BCLAF3: variants seen among roughly 807,000 people sequenced by gnomAD.
BCLAF3 encodes the protein transient octamer binding factor 1.
In BCLAF3, 24 loss-of-function variants were observed where a neutral mutation model predicts 51.2. The observed-to-expected ratio is 0.47, with a 90% CI of 0.34 to 0.66. The LOEUF is 0.66. BCLAF3 is among the 30% of genes least tolerant of loss of function. The probability of loss-of-function intolerance (pLI) is 0.01; values close to 1 mark genes in which losing one functional copy is unlikely to be tolerated. For synonymous variants in BCLAF3, 152 were observed against 176.6 expected (o/e 0.86, Z 1.10); for missense variants, 465 against 525.1 (o/e 0.89, Z 1.12).
chrX:19,977,382 G>T (rs6527957), intron 1 of BCLAF3, among the ~76,000 whole-genome samples: 35,307 of 111,358 alleles, frequency 0.32, 6,611 homozygotes, highest in African/African-American at 0.71. Context: ...TTACTTCAAT[G>T]AACACATGAA....
chrX:19,917,781 C>T (rs1290763009), intron 11 of BCLAF3, among the ~76,000 whole-genome samples: 1 of 85,430 alleles, frequency 1.2e-5, no homozygotes, highest in African/African-American at 8.8e-5. Flanking sequence ...CTGATAACTG[C>T]AGAGAAAGTT....
Position 19,990,908 on chromosome X carries a change from C to T in BCLAF3, c.-35G>A, listed in dbSNP as rs1253654016. Among the ~76,000 whole-genome samples, 3 of 99,915 alleles carry T rather than the reference C, an allele frequency of 3.0e-5. No individual in the cohort carries two copies. Among genetic ancestry groups the T allele is most frequent in the African/African-American group, 1.1e-4 (3 of 28,130 alleles). The allele number at this position is 99,915 out of a possible 115,157, so 86.8% of individuals were successfully genotyped here. A position where few individuals can be genotyped will look rare whatever the true frequency, so the allele number is the denominator to read the frequency against. On this transcript the variant is annotated splice_region_variant and 5_prime_UTR_variant, in exon 1 of 12. It adds an upstream start codon to the 5' untranslated region. Transcript: ENST00000379682. ...CCCCGCCTCCCCCCGAGCCGCTCACCCGGCCGGGAAGCCCCCGCCGCCGCC... is the reference window on the plus strand; with the variant it reads ...CCCCGCCTCCCCCCGAGCCGCTCACTCGGCCGGGAAGCCCCCGCCGCCGCC...
At chrX:19,974,162 C>A (rs2072342716) in intron 1 of BCLAF3, among the ~76,000 whole-genome samples, 1 of 112,083 alleles carries the variant, frequency 8.9e-6, no homozygotes, top group Admixed American at 9.5e-5. Flanking sequence ...ATTTTCTATA[C>A]CCGTTTCATT....
intron 1 of BCLAF3, among the ~76,000 whole-genome samples, chrX:19,973,156 T>C (rs777017119): frequency 1.8e-5 from 2 of 111,878 alleles, no homozygotes; most frequent in Non-Finnish European, 3.8e-5. Flanking sequence ...TTTTTGACTA[T>C]AGCCATCCTA....
intron 4 of BCLAF3, among the ~76,000 whole-genome samples, chrX:19,964,293 G>T (rs1239743236): frequency 8.9e-6 from 1 of 111,760 alleles, no homozygotes; most frequent in East Asian, 2.8e-4. Flanking sequence ...TCCATAAATG[G>T]AAGTAATATT....
At chrX:19,918,576 C>T (rs998472371) in intron 11 of BCLAF3, among the ~76,000 whole-genome samples, 18 of 86,206 alleles carry the variant, frequency 2.1e-4, no homozygotes, top group Admixed American at 1.3e-3. Context: ...ATGGAGTCTC[C>T]GTTGCCCAGG....
chrX:19,981,482 G>A (rs192084112), intron 1 of BCLAF3, among the ~76,000 whole-genome samples: 1 of 111,977 alleles, frequency 8.9e-6, no homozygotes, highest in Admixed American at 9.5e-5. Flanking sequence ...CACATTCCTG[G>A]TAGAAATGTA....
chrX:19,985,356 A>G (rs760259821), intron 1 of BCLAF3, among the ~76,000 whole-genome samples: 1 of 111,936 alleles, frequency 8.9e-6, no homozygotes, highest in Admixed American at 9.5e-5. Flanking sequence ...AGGTGGGAGT[A>G]CCACTTGATG....
At chrX:19,989,675 T>C (rs2072891545) in intron 1 of BCLAF3, among the ~76,000 whole-genome samples, 1 of 111,784 alleles carries the variant, frequency 8.9e-6, no homozygotes, top group Non-Finnish European at 1.9e-5. Flanking sequence ...AAGCTCTGCA[T>C]AGAAAAAGAC....
At chrX:19,917,550 CAT>C (rs748923375) in intron 11 of BCLAF3, among the ~76,000 whole-genome samples, 14 of 111,454 alleles carry the variant, frequency 1.3e-4, no homozygotes, top group East Asian at 2.8e-4. Context: ...ACAAAGAAAA[CAT>C]GTGGTGCTAG....
intron 10 of BCLAF3, 23 bp downstream of exon 10, chrX:19,935,786 A>AAATGGAAAAC (rs760230817): frequency 1.7e-6 from 2 of 1,146,293 alleles, no homozygotes; most frequent in African/African-American, 3.6e-5. Flanking sequence ...AGCTGGAATT[A>AAATGGAAAAC]AATGGAAAAC....
chrX:19,921,438 A>G (rs772140355), intron 11 of BCLAF3, among the ~76,000 whole-genome samples: 3 of 112,575 alleles, frequency 2.7e-5, no homozygotes, highest in South Asian at 7.3e-4. Context: ...ACTTTACACT[A>G]TATCATAAAA....
intron 11 of BCLAF3, among the ~76,000 whole-genome samples, chrX:19,920,567 C>A (rs1420411738): frequency 2.7e-5 from 3 of 111,603 alleles, no homozygotes; most frequent in Middle Eastern, 4.7e-3. Context: ...CACCTGTAGT[C>A]CCAGCACTTT....
chrX:19,976,189 T>A (rs1303271325), intron 1 of BCLAF3, among the ~76,000 whole-genome samples: 3 of 111,599 alleles, frequency 2.7e-5, no homozygotes, highest in Non-Finnish European at 5.6e-5. Context: ...GTCTGTCCCA[T>A]CTCAGTAAAT....
intron 8 of BCLAF3, among the ~76,000 whole-genome samples, chrX:19,940,096 T>C (rs183164715): frequency 8.8e-4 from 98 of 111,706 alleles, no homozygotes; most frequent in African/African-American, 2.9e-3. Context: ...GATATGTATA[T>C]TTTGCCACAA....
At chrX:19,947,714 A>G (rs2071357240) in intron 8 of BCLAF3, among the ~76,000 whole-genome samples, 1 of 111,578 alleles carries the variant, frequency 9.0e-6, no homozygotes, top group Non-Finnish European at 1.9e-5. Context: ...TGTCTTGTCT[A>G]CTCCTTTGGG....
intron 11 of BCLAF3, among the ~76,000 whole-genome samples, chrX:19,917,754 T>A (rs1444140078): frequency 9.4e-6 from 1 of 106,827 alleles, no homozygotes; most frequent in African/African-American, 3.6e-5. Flanking sequence ...TAAAACTACA[T>A]GGGCTCTTTT....
intron 11 of BCLAF3, among the ~76,000 whole-genome samples, chrX:19,917,725 C>T (rs757275777): frequency 3.4e-4 from 38 of 111,699 alleles, no homozygotes; most frequent in Admixed American, 7.7e-4. Flanking sequence ...TTATCTTTTC[C>T]ACCCTATATC....
chrX:19,973,345 A>T (rs1043303432), intron 1 of BCLAF3, among the ~76,000 whole-genome samples: 2 of 112,325 alleles, frequency 1.8e-5, no homozygotes, highest in African/African-American at 6.5e-5. Context: ...AAAAGAAAAA[A>T]ATCAGCTGTG....
Sources: gnomAD v4.1 joint callset for allele counts (sites outside exome capture counted in the v4.1 genomes callset) on GRCh38, gnomAD v4.1.1 for gene constraint, MANE v1.5 for transcripts, NCBI Gene and HGNC (gene_info 2026-07-23, HGNC 2026-07-21) for gene names.